ADGRA3: variants seen among roughly 807,000 people sequenced by gnomAD.
ADGRA3 encodes G-protein coupled receptor 125.
ADGRA3 carries 56 observed loss-of-function variants against 119.8 expected under a neutral mutation model. The observed-to-expected ratio is 0.47, with a 90% CI of 0.38 to 0.58. ADGRA3 has a LOEUF of 0.58. Ranked by LOEUF, ADGRA3 falls within the 20% of genes least tolerant of loss-of-function variation. The pLI is 0.00. For missense variants in ADGRA3, 1,516 were observed against 1,649.0 expected, an observed-to-expected ratio of 0.92 and a Z score of 1.40; for synonymous variants, 607 against 623.8, an observed-to-expected ratio of 0.97 and a Z score of 0.40.
At chr4:22,500,861 A>T (rs1488641457) in intron 1 of ADGRA3, among the ~76,000 whole-genome samples, 1 of 152,168 alleles carries the variant, frequency 6.6e-6, no homozygotes, top group Non-Finnish European at 1.5e-5. Flanking sequence ...CTTTAAGTAG[A>T]CTGCCTACTT....
At chr4:22,413,478 A>G in intron 13 of ADGRA3, 88 bp from the exon 14 acceptor site, 1 of 1,382,850 alleles carries the variant, frequency 7.2e-7, no homozygotes, top group Non-Finnish European at 1.0e-6. Flanking sequence ...GGTACTCTGC[A>G]AGATCTTTCT....
Position 22,388,292 on chromosome 4 carries a change from C to A in ADGRA3, c.3379G>T (p.Ala1127Ser), listed in dbSNP as rs1401716242. 1.2e-6 allele frequency: 2 copies of A among 1,614,062 alleles called. No homozygotes were observed. Among genetic ancestry groups the A allele is most frequent in the East Asian group, 4.5e-5 (2 of 44,864 alleles). ...NLQAAAAQCH[A>S]NSLPLNSTPQ... ...GTGGAGTTCAAAGGTAAAGAATTGG[C>A]ATGGCACTGAGCTGCAGCCGCCTGC... Residue 1127 changes from alanine (A) to serine (S), a missense_variant, in exon 19 of 19, where the codon GCC (alanine) becomes TCC (serine). Ala to Ser is a moderately conservative substitution (Grantham distance 99). Around this residue, in one of 2 missense-constraint regions of ADGRA3, gnomAD observed 1,088 missense variants for 1,107.1 expected, o/e 0.98. Coordinates refer to ENST00000334304, the MANE Select transcript of ADGRA3 (RefSeq NM_145290.4).
chr4:22,479,420 G>A (rs1344148115), intron 1 of ADGRA3, among the ~76,000 whole-genome samples: 1 of 151,110 alleles, frequency 6.6e-6, no homozygotes, highest in East Asian at 2.0e-4. Flanking sequence ...CCGAGATCAC[G>A]CCACTGCACT....
intron 1 of ADGRA3, among the ~76,000 whole-genome samples, chr4:22,485,274 C>G (rs1198104141): frequency 9.0e-6 from 1 of 111,668 alleles, no homozygotes. Flanking sequence ...AGGCTGGTCT[C>G]GAACTCCTGG....
intron 5 of ADGRA3, among the ~76,000 whole-genome samples, chr4:22,445,372 CAA>C (rs1350676908): frequency 3.3e-5 from 5 of 152,140 alleles, no homozygotes; most frequent in Admixed American, 2.0e-4. Context: ...TGTAGGCAAA[CAA>C]AGACTCTTTG....
chr4:22,478,341 T>C (rs141442959), intron 1 of ADGRA3: 1 of 152,356 alleles, frequency 6.6e-6, no homozygotes, highest in East Asian at 1.9e-4. Flanking sequence ...AAGTTCTCAG[T>C]TGCTTGCTAT....
chr4:22,479,074 A>G (rs1262216710), intron 1 of ADGRA3, among the ~76,000 whole-genome samples: 1 of 152,150 alleles, frequency 6.6e-6, no homozygotes, highest in Non-Finnish European at 1.5e-5. Flanking sequence ...CGGCCCACAA[A>G]CACATGAAAA....
chr4:22,446,294 G>A (rs76417499), intron 5 of ADGRA3, among the ~76,000 whole-genome samples: 2,128 of 152,264 alleles, frequency 0.014, 48 homozygotes, highest in African/African-American at 0.049. Flanking sequence ...AACACTACCA[G>A]GTAAAAACAC....
chr4:22,394,383 C>T (rs1714265600), intron 16 of ADGRA3: 1 of 152,162 alleles, frequency 6.6e-6, no homozygotes, highest in African/African-American at 2.4e-5. Flanking sequence ...CTACAAACGT[C>T]AGAAATGATC....
Position 22,389,101 on chromosome 4 carries a change from G to T in ADGRA3, c.2710C>A (p.Pro904Thr), listed in dbSNP as rs1352247777. ...TAAAATACTCACTAGGGTGCGTTTG[G>T]CCGACTGCCGTAATTCTTAATGTTC... Reference protein sequence around the residue: ...AANIKNYGSRPNAPYCWMAWE... With the variant: ...AANIKNYGSRTNAPYCWMAWE... Residue 904 changes from proline (P) to threonine (T), a missense_variant, in exon 18 of 19, where the codon CCA becomes ACA. Physicochemically the swap from Pro to Thr is conservative, Grantham distance 38 (BLOSUM62 -1). Transcript: ENST00000334304. 6.2e-7 allele frequency: 1 copy of T among 1,613,828 alleles called. No homozygotes were observed. Among genetic ancestry groups the T allele is most frequent in the South Asian group, 1.1e-5 (1 of 91,064 alleles).
At chr4:22,484,402 T>C (rs1210270706) in intron 1 of ADGRA3, among the ~76,000 whole-genome samples, 1 of 152,028 alleles carries the variant, frequency 6.6e-6, no homozygotes, top group Admixed American at 6.6e-5. Context: ...GTCAGGAGTT[T>C]GAGACCAGCC....
intron 12 of ADGRA3, among the ~76,000 whole-genome samples, chr4:22,417,265 T>C (rs1715464395): frequency 6.6e-6 from 1 of 152,212 alleles, no homozygotes; most frequent in South Asian, 2.1e-4. Flanking sequence ...TCGACATTTA[T>C]TGAATGTTTA....
chr4:22,503,391 G>A (rs1447471860), intron 1 of ADGRA3, among the ~76,000 whole-genome samples: 1 of 152,160 alleles, frequency 6.6e-6, no homozygotes, highest in African/African-American at 2.4e-5. Context: ...AACAAAGAAT[G>A]CTTTTAAGTC....
chr4:22,471,135 G>A (rs1032533939), intron 2 of ADGRA3, among the ~76,000 whole-genome samples: 8 of 152,160 alleles, frequency 5.3e-5, no homozygotes, highest in African/African-American at 1.2e-4. Flanking sequence ...AGGGAGCACC[G>A]AGTGTCTCCC....
At chr4:22,487,502 G>A (rs1718471596) in intron 1 of ADGRA3, among the ~76,000 whole-genome samples, 1 of 152,134 alleles carries the variant, frequency 6.6e-6, no homozygotes, top group African/African-American at 2.4e-5. Context: ...AACTCCTGCT[G>A]TACAGCCCCC....
intron 1 of ADGRA3, among the ~76,000 whole-genome samples, chr4:22,495,961 G>A (rs578040911): frequency 1.3e-5 from 2 of 151,436 alleles, no homozygotes; most frequent in East Asian, 3.9e-4. Context: ...GATACAATTA[G>A]AGTATCATCA....
chr4:22,445,233 T>C, intron 5 of ADGRA3, 100 bp from the exon 6 acceptor site: 1 of 990,280 alleles, frequency 1.0e-6, no homozygotes, highest in South Asian at 1.5e-5. Context: ...CACAATACTG[T>C]TCACCCATAC....
At chr4:22,504,554 C>T (rs1220778797) in intron 1 of ADGRA3, among the ~76,000 whole-genome samples, 1 of 152,132 alleles carries the variant, frequency 6.6e-6, no homozygotes, top group Non-Finnish European at 1.5e-5. Flanking sequence ...GGCTTCAGCA[C>T]GCCACTCTCT....
chr4:22,451,259 T>G (rs1206145636), intron 4 of ADGRA3, among the ~76,000 whole-genome samples: 1 of 152,088 alleles, frequency 6.6e-6, no homozygotes, highest in Non-Finnish European at 1.5e-5. Flanking sequence ...ATACAGGTAT[T>G]AGATTGATCA....
Sources: allele counts gnomAD v4.1 joint callset (sites outside exome capture counted in the v4.1 genomes callset), GRCh38; gene constraint gnomAD v4.1.1; regional missense constraint gnomAD v4.1.1; transcripts MANE v1.5; gene names NCBI Gene and HGNC (gene_info 2026-07-23, HGNC 2026-07-21).